The following GATAD2B variants were observed in gnomAD, a reference collection of about 807,000 sequenced individuals.
GATAD2B encodes transcriptional repressor p66-beta.
Under a neutral mutation model 64.3 loss-of-function variants are expected in GATAD2B, and 8 were observed. The ratio of observed to expected loss-of-function variants is 0.12; its 90% CI spans 0.07 to 0.22. The LOEUF (loss-of-function observed/expected upper bound fraction) is 0.22. Among genes scored for constraint, GATAD2B ranks in the 10% least tolerant of loss-of-function variants. The pLI is 1.00. For missense variants in GATAD2B, 453 were observed against 752.0 expected (o/e 0.60, Z 4.65); for synonymous variants, 281 against 271.3 (o/e 1.04, Z -0.35).
chr1:153,818,314 CTTTTTTTTT>C lies in GATAD2B; in HGVS notation c.598-152_598-144del, dbSNP rs35175263. ...ACCAGAAAAAGGGAGTCAAGGTTTT[CTTTTTTTTT>C]TTTTTTTTTGAGACAGAGTCTTGCT... On this transcript the variant is annotated intron_variant, in intron 4 of 10. Coordinates refer to ENST00000368655, the MANE Select transcript of GATAD2B (RefSeq NM_020699.4). 2.2e-5 allele frequency: 7 copies of C among 320,422 alleles called. No individual in the cohort carries two copies. The South Asian group carries it at 2.5e-4, about 11-fold the overall frequency. The allele number at this position is 320,422 out of a possible 1,614,324, so 19.8% of individuals were successfully genotyped here.
intron 1 of GATAD2B, among the ~76,000 whole-genome samples, chr1:153,846,612 A>G: frequency 7.5e-6 from 1 of 133,536 alleles, no homozygotes; most frequent in East Asian, 2.2e-4. Context: ...CCCAGGCTGG[A>G]ATGCAGTCGC....
intron 1 of GATAD2B, among the ~76,000 whole-genome samples, chr1:153,916,745 A>T (rs912491641): frequency 3.3e-5 from 5 of 152,224 alleles, no homozygotes; most frequent in African/African-American, 1.2e-4. Context: ...CTTTTGTTAC[A>T]TACAAACATG....
chr1:153,848,029 T>C (rs951127474), intron 1 of GATAD2B, among the ~76,000 whole-genome samples: 9 of 152,218 alleles, frequency 5.9e-5, no homozygotes, highest in African/African-American at 2.2e-4. Context: ...AGTCTGCCAT[T>C]GAACTCATGC....
intron 1 of GATAD2B, among the ~76,000 whole-genome samples, chr1:153,888,064 G>C (rs1015447706): frequency 1.3e-5 from 2 of 150,718 alleles, no homozygotes; most frequent in African/African-American, 4.9e-5. Context: ...TCCAGCCTGG[G>C]CAACACAGTG....
At chr1:153,857,503 T>C (rs530325508) in intron 1 of GATAD2B, among the ~76,000 whole-genome samples, 3 of 152,256 alleles carry the variant, frequency 2.0e-5, no homozygotes, top group African/African-American at 7.2e-5. Context: ...AGAAAACGGA[T>C]GCCCTTTTCT....
intron 1 of GATAD2B, chr1:153,922,010 A>G (rs1678455344): frequency 6.6e-6 from 1 of 152,244 alleles, no homozygotes; most frequent in Non-Finnish European, 1.5e-5. Context: ...CTGAACTGGA[A>G]GACAGATCCA....
At chr1:153,866,202 CAAAAAAAA>C (rs68135109) in intron 1 of GATAD2B, among the ~76,000 whole-genome samples, 1 of 99,768 alleles carries the variant, frequency 1.0e-5, no homozygotes, top group Non-Finnish European at 2.0e-5. Flanking sequence ...CACTAGGTCT[CAAAAAAAA>C]AAAAAAAAAA....
rs1174887998 is a variant in GATAD2B, at chr1:153,804,762, G to A, written c.*5415C>T. 1 of 152,538 alleles carries A rather than the reference G, an allele frequency of 6.6e-6. No individual in the cohort carries two copies. The highest frequency in any genetic ancestry group is 2.4e-5 in the African/African-American group (1 of 41,404). 9.4% of individuals were successfully genotyped at this position (152,538 alleles called of 1,614,324 possible). A position where few individuals can be genotyped will look rare whatever the true frequency, so the allele number is the denominator to read the frequency against. On this transcript the variant is annotated 3_prime_UTR_variant, in exon 11 of 11. Coordinates refer to ENST00000368655, the MANE Select transcript of GATAD2B (RefSeq NM_020699.4). ...TTCCTTTCTTTATTAAACATAGCTT[G>A]CAAGTGATAAATATTACAAAGTTTT...
chr1:153,818,991 C>CT (rs1674580869), intron 3 of GATAD2B, 69 bp from the exon 4 acceptor site: 1 of 1,499,498 alleles, frequency 6.7e-7, no homozygotes, highest in East Asian at 2.3e-5. Context: ...AAGAGACAAT[C>CT]TTTACTTCTT....
At position 153,817,454 on chromosome 1, in the gene GATAD2B, A is replaced by G. The variant is rs747993768; in HGVS notation, c.818T>C (p.Leu273Pro). The part of the protein sequence containing the change: ...QRVIAPNPAQ[L>P]QGQRGPPKPG... ...CTTAGGCGGGCCCCGCTGACCCTGT[A>G]GCTGGGCTGGGTTTGGTGCAATAAC... is the stretch of plus-strand genomic sequence containing the variant. Residue 273 changes from leucine to proline, a missense_variant, in exon 6 of 11, where the codon CTA (leucine) becomes CCA (proline). Leu to Pro is a moderately conservative substitution (Grantham distance 98, BLOSUM62 -3). Transcript: ENST00000368655. The G allele has an allele frequency of 6.2e-7, 1 of 1,613,426 alleles. No homozygotes were observed. The highest frequency in any genetic ancestry group is 1.3e-5 in the African/African-American group (1 of 74,884).
intron 1 of GATAD2B, among the ~76,000 whole-genome samples, chr1:153,906,612 A>C (rs1490159323): frequency 6.6e-6 from 1 of 152,202 alleles, no homozygotes; most frequent in Non-Finnish European, 1.5e-5. Context: ...GATTTATTAG[A>C]CACCAAAAGC....
intron 1 of GATAD2B, among the ~76,000 whole-genome samples, chr1:153,882,849 A>G (rs1484925534): frequency 2.0e-5 from 3 of 152,162 alleles, no homozygotes; most frequent in South Asian, 2.1e-4. Flanking sequence ...CAATCATTTT[A>G]TAAGGACTTT....
At chr1:153,857,907 T>G (rs1318870053) in intron 1 of GATAD2B, among the ~76,000 whole-genome samples, 1 of 152,244 alleles carries the variant, frequency 6.6e-6, no homozygotes, top group African/African-American at 2.4e-5. Flanking sequence ...AGAGGTCAAG[T>G]GAAGATTCTT....
chr1:153,812,902 C>T (rs1019627986), intron 8 of GATAD2B, among the ~76,000 whole-genome samples: 3 of 152,204 alleles, frequency 2.0e-5, no homozygotes, highest in African/African-American at 7.2e-5. Context: ...TCTTATCAAA[C>T]ACGCACTGCA....
At position 153,839,108 on chromosome 1, in the gene GATAD2B, C is replaced by CAAAAAAAAAAAAAAAAAAAAA. The variant is rs35262137; in HGVS notation, c.-1-10781_-1-10761dup. 3.9e-4 allele frequency among the ~76,000 whole-genome samples: 31 copies of CAAAAAAAAAAAAAAAAAAAAA among 78,566 alleles called. 1 individual carries two copies. Among genetic ancestry groups the CAAAAAAAAAAAAAAAAAAAAA allele is most frequent in the East Asian group, 1.9e-3 (4 of 2,078 alleles). 51.5% of individuals were successfully genotyped at this position (78,566 alleles called of 152,430 possible). A position where few individuals can be genotyped will look rare whatever the true frequency, so the allele number is the denominator to read the frequency against. On this transcript the variant is annotated intron_variant, in intron 1 of 10. Transcript: ENST00000368655. ...TGGGTGACAGAACGAGACCCTGTCT[C>CAAAAAAAAAAAAAAAAAAAAA]AAAAAAAAAAAAAAAAAAAAAAAAA...
In GATAD2B at chr1:153,810,282, G is replaced by A. The variant is rs777657976; in HGVS notation, c.1677C>T (p.Gly559=). The A allele has an allele frequency of 6.2e-6, 10 of 1,613,174 alleles. No homozygotes were observed. The Admixed American group carries it at 1.5e-4, about 24-fold the overall frequency. The change falls in exon 11 of 11, where the codon GGC becomes GGT. Residue 559 remains glycine, a synonymous_variant. Coordinates refer to ENST00000368655, the MANE Select transcript of GATAD2B (RefSeq NM_020699.4). Reference sequence around the variant, plus strand: ...AACTGGGGCCTTTGTGTCCTCCGATGCCAGTATTCAAGTATGCAATGTTGA... The same window carrying A: ...AACTGGGGCCTTTGTGTCCTCCGATACCAGTATTCAAGTATGCAATGTTGA... ...PGVNIAYLNT[G]IGGHKGPSLA... is the part of the protein sequence containing the mutation.
intron 1 of GATAD2B, among the ~76,000 whole-genome samples, chr1:153,903,816 C>G (rs1677849078): frequency 6.6e-6 from 1 of 152,006 alleles, no homozygotes; most frequent in Admixed American, 6.6e-5. Flanking sequence ...AATCCCCTCT[C>G]TACAAAAAAT....
At chr1:153,874,611 C>T (rs1304027618) in intron 1 of GATAD2B, among the ~76,000 whole-genome samples, 1 of 152,078 alleles carries the variant, frequency 6.6e-6, no homozygotes, top group Non-Finnish European at 1.5e-5. Flanking sequence ...GAGTTTCCCT[C>T]TGTCACCCAG....
At chr1:153,840,126 A>C (rs1348413004) in intron 1 of GATAD2B, among the ~76,000 whole-genome samples, 2 of 119,810 alleles carry the variant, frequency 1.7e-5, no homozygotes, top group African/African-American at 3.3e-5. Context: ...TCCGCCTCCC[A>C]GGTTCAAGCG....
Sources: allele counts gnomAD v4.1 joint callset (sites outside exome capture counted in the v4.1 genomes callset), GRCh38; gene constraint gnomAD v4.1.1; transcripts MANE v1.5; gene names NCBI Gene and HGNC (gene_info 2026-07-23, HGNC 2026-07-21).